The following RIMS2 variants were observed in gnomAD, a reference collection of about 807,000 sequenced individuals.
The protein encoded by RIMS2 is regulating synaptic membrane exocytosis 2.
A neutral mutation model predicts 174.4 loss-of-function variants in RIMS2; 59 were observed. The observed-to-expected ratio is 0.34, with a 90% CI of 0.27 to 0.42. The LOEUF is 0.42. Ranked by LOEUF, RIMS2 falls within the 10% of genes least tolerant of loss-of-function variation. RIMS2 has a pLI of 1.00. For synonymous variants in RIMS2, 606 were observed against 572.5 expected (o/e 1.06, Z -0.84); for missense variants, 1,620 against 1,666.3 (o/e 0.97, Z 0.48).
intron 1 of RIMS2, among the ~76,000 whole-genome samples, chr8:103,580,849 A>ATTTTT (rs2093573729): frequency 7.1e-5 from 3 of 42,352 alleles, no homozygotes; most frequent in East Asian, 2.5e-3. Flanking sequence ...TTTTTTTTTG[A>ATTTTT]GACAGAGTCT....
chr8:104,075,923 C>A (rs1341636910), intron 19 of RIMS2, among the ~76,000 whole-genome samples: 1 of 152,168 alleles, frequency 6.6e-6, no homozygotes, highest in Non-Finnish European at 1.5e-5. Flanking sequence ...GCTTCCTGGC[C>A]CCAAACCAGG....
chr8:103,604,274 G>T lies in RIMS2; in HGVS notation c.177-92812G>T, dbSNP rs556570557. Among the ~76,000 whole-genome samples the T allele has an allele frequency of 2.9e-3, 432 of 151,300 alleles. 1 individual carries two copies. The highest frequency in any genetic ancestry group is 4.8e-3 in the Non-Finnish European group (325 of 67,596). ...ATAGAGAATCCTTTCCCCATTGCTT[G>T]TTTTTGTCAGGTTTGTCAAAGATCA... On this transcript the variant is annotated intron_variant, in intron 1 of 23. Transcript: ENST00000504942.
chr8:104,199,643 T>C (rs1283029873), intron 19 of RIMS2, among the ~76,000 whole-genome samples: 1 of 152,212 alleles, frequency 6.6e-6, no homozygotes, highest in East Asian at 1.9e-4. Context: ...GGCATGCCTG[T>C]GGTTCAGGGG....
In RIMS2 at chr8:103,788,872, C is replaced by A. The variant is rs977945513; in HGVS notation, c.698+22335C>A. Among the ~76,000 whole-genome samples the A allele has an allele frequency of 5.9e-5, 9 of 152,090 alleles. No individual in the cohort carries two copies. In the South Asian group the frequency reaches 1.9e-3, roughly 32 times the overall value. On this transcript the variant is annotated intron_variant, in intron 3 of 23. Transcript: ENST00000504942. ...ATGGCGGGCGCCCCTCCCCCAGCCT[C>A]GCCGCCGCCTTGCAGTTTGATCTCA...
At chr8:103,584,178 T>C (rs545005835) in intron 1 of RIMS2, among the ~76,000 whole-genome samples, 3 of 152,088 alleles carry the variant, frequency 2.0e-5, no homozygotes, top group African/African-American at 7.2e-5. Context: ...CAGGAGCGAG[T>C]TGCATGACAT....
chr8:103,865,629 A>G (rs1442945444), intron 3 of RIMS2, among the ~76,000 whole-genome samples: 4 of 152,126 alleles, frequency 2.6e-5, no homozygotes, highest in Admixed American at 6.6e-5. Context: ...TCATTTCCTG[A>G]TAACTTAATG....
At chr8:104,214,539 C>A (rs1386407337) in intron 19 of RIMS2, among the ~76,000 whole-genome samples, 3 of 152,134 alleles carry the variant, frequency 2.0e-5, no homozygotes, top group African/African-American at 7.2e-5. Flanking sequence ...CCTCCACCGC[C>A]TGGGTTCAAG....
chr8:103,859,486 C>A (rs987635849), intron 3 of RIMS2, among the ~76,000 whole-genome samples: 1 of 152,026 alleles, frequency 6.6e-6, no homozygotes, highest in Non-Finnish European at 1.5e-5. Context: ...CATTCTATTC[C>A]CTGGTCAGCC....
chr8:104,011,541 AT>A (rs1456704701), intron 17 of RIMS2, among the ~76,000 whole-genome samples: 11 of 152,068 alleles, frequency 7.2e-5, no homozygotes, highest in African/African-American at 2.4e-4. Flanking sequence ...CACATTTAAA[AT>A]AATTCTCTGG....
intron 14 of RIMS2, among the ~76,000 whole-genome samples, chr8:103,958,527 A>C (rs969003833): frequency 4.6e-5 from 7 of 152,228 alleles, no homozygotes; most frequent in African/African-American, 1.7e-4. Context: ...CTATGTAACA[A>C]ACCTTCACAT....
chr8:104,240,444 G>A (rs943738792), intron 19 of RIMS2, among the ~76,000 whole-genome samples: 3 of 152,128 alleles, frequency 2.0e-5, no homozygotes, highest in African/African-American at 7.2e-5. Flanking sequence ...TAAAGATTTT[G>A]TGGTGCTGAA....
At chr8:104,215,393 A>G (rs1248954509) in intron 19 of RIMS2, among the ~76,000 whole-genome samples, 2 of 152,258 alleles carry the variant, frequency 1.3e-5, no homozygotes, top group Non-Finnish European at 2.9e-5. Context: ...ATATTATTCT[A>G]GTCACACTAT....
Position 103,885,997 on chromosome 8 carries a change from A to G in RIMS2, c.1398A>G (p.Val466=), listed in dbSNP as rs371755249. 2.4e-5 allele frequency: 38 copies of G among 1,613,056 alleles called. No homozygotes were observed. The African/African-American group carries it at 4.8e-4, about 20-fold the overall frequency. The change falls in exon 4 of 24, where the codon GTA becomes GTG. Residue 466 remains valine (V), a synonymous_variant. Transcript: ENST00000504942. The stretch of plus-strand genomic sequence containing the variant: ...ACCACTTAGATCCTAGCTCTGCTGT[A>G]AGAAAAACAAAACGGGAAAAAATGG...
At chr8:104,105,410 A>T (rs1176823569) in intron 19 of RIMS2, among the ~76,000 whole-genome samples, 1 of 152,194 alleles carries the variant, frequency 6.6e-6, no homozygotes, top group East Asian at 1.9e-4. Context: ...TTTAGTTAAG[A>T]CAAGATAAAG....
intron 19 of RIMS2, among the ~76,000 whole-genome samples, chr8:104,230,069 C>T (rs1029451278): frequency 2.6e-5 from 4 of 152,028 alleles, no homozygotes; most frequent in South Asian, 4.1e-4. Flanking sequence ...CACCTGAGGT[C>T]GGGAGTTCAA....
intron 19 of RIMS2, among the ~76,000 whole-genome samples, chr8:104,025,576 T>C (rs947139787): frequency 6.6e-6 from 1 of 152,206 alleles, no homozygotes; most frequent in African/African-American, 2.4e-5. Context: ...TAAATGTTAG[T>C]TATTACTGTA....
intron 1 of RIMS2, among the ~76,000 whole-genome samples, chr8:103,607,385 G>A (rs1292245980): frequency 6.6e-6 from 1 of 151,862 alleles, no homozygotes; most frequent in Non-Finnish European, 1.5e-5. Context: ...TTAGTCTGAT[G>A]GGCTTCCCTT....
intron 19 of RIMS2, among the ~76,000 whole-genome samples, chr8:104,127,204 A>G (rs1474129846): frequency 1.3e-5 from 2 of 152,164 alleles, no homozygotes; most frequent in Non-Finnish European, 2.9e-5. Flanking sequence ...GGCTATTCTA[A>G]AATAAAATAC....
chr8:103,638,562 A>G (rs1376834967), intron 1 of RIMS2, among the ~76,000 whole-genome samples: 1 of 152,028 alleles, frequency 6.6e-6, no homozygotes, highest in Non-Finnish European at 1.5e-5. Flanking sequence ...TCGTCCTCAA[A>G]TAGTTCCAGC....
Sources: allele counts gnomAD v4.1 joint callset (sites outside exome capture counted in the v4.1 genomes callset), GRCh38; gene constraint gnomAD v4.1.1; transcripts MANE v1.5; gene names NCBI Gene and HGNC (gene_info 2026-07-23, HGNC 2026-07-21).